POU6F1: variants seen among roughly 807,000 people sequenced by gnomAD.
POU6F1 encodes POU domain, class 6, transcription factor 1.
Under a neutral mutation model 28.9 loss-of-function variants are expected in POU6F1, and 9 were observed. That is an observed-to-expected ratio of 0.31 (90% CI 0.19 to 0.54). The LOEUF is 0.54. Among genes scored for constraint, POU6F1 ranks in the 20% least tolerant of loss-of-function variants. POU6F1 has a pLI of 0.94. For missense variants in POU6F1, 338 were observed against 426.1 expected (o/e 0.79, Z 1.82); for synonymous variants, 173 against 171.1 (o/e 1.01, Z -0.09).
chr12:51,211,062 A>G (rs1017035220), intron 1 of POU6F1, among the ~76,000 whole-genome samples: 1 of 152,188 alleles, frequency 6.6e-6, no homozygotes, highest in South Asian at 2.1e-4. Context: ...GCTTGGTTCC[A>G]GTGACTAGAC....
Position 51,190,072 on chromosome 12 carries a change from T to G in POU6F1, c.*175A>C. The G allele has an allele frequency of 2.7e-4, 319 of 1,200,346 alleles. No homozygotes were observed. The highest frequency in any genetic ancestry group is 3.3e-4 in the Non-Finnish European group (289 of 885,116). The allele number at this position is 1,200,346 out of a possible 1,614,324, so 74.4% of individuals were successfully genotyped here. A position where few individuals can be genotyped will look rare whatever the true frequency, so the allele number is the denominator to read the frequency against. ...GGCCCCCTCTGGCCTCCCCATGATGTGAGATGTGTGGGAGAAAAGAGGGAC... is the reference window on the plus strand; with the variant it reads ...GGCCCCCTCTGGCCTCCCCATGATGGGAGATGTGTGGGAGAAAAGAGGGAC... On this transcript the variant is annotated 3_prime_UTR_variant, in exon 11 of 11. Coordinates refer to ENST00000333640, the MANE Select transcript of POU6F1 (RefSeq NM_001330422.2). The surrounding 1 kb of genome is among the most constrained non-coding windows in gnomAD (Gnocchi z 4.5).
At chr12:51,212,077 T>TG (rs1944028232) in intron 1 of POU6F1, among the ~76,000 whole-genome samples, 1 of 148,214 alleles carries the variant, frequency 6.7e-6, no homozygotes, top group African/African-American at 2.6e-5. Flanking sequence ...TTTTTTTGTT[T>TG]TTTTTGTTTT....
intron 8 of POU6F1, among the ~76,000 whole-genome samples, chr12:51,192,792 C>A (rs1942515257): frequency 6.6e-6 from 1 of 152,012 alleles, no homozygotes; most frequent in South Asian, 2.1e-4. Context: ...ATAATTCCAG[C>A]TACTCAGGAG....
rs969367748 is a variant in POU6F1 at position 51,217,999 on chromosome 12, C to A, written c.-405G>T. On this transcript the variant is annotated 5_prime_UTR_variant, in exon 1 of 11. Coordinates refer to ENST00000333640, the MANE Select transcript of POU6F1 (RefSeq NM_001330422.2). This position sits in a 1 kb window ranked among gnomAD's most constrained non-coding sequence, Gnocchi z 5.3. The stretch of plus-strand genomic sequence containing the variant: ...ACGACCCCCCCCTTTTCCCTCCCCC[C>A]CTTTTTTCCCTCCTTCTGCTACTTG... 3.3e-5 allele frequency among the ~76,000 whole-genome samples: 5 copies of A among 151,894 alleles called. No homozygotes were observed. Among genetic ancestry groups the A allele is most frequent in the Admixed American group, 1.3e-4 (2 of 15,270 alleles).
At chr12:51,213,412 C>G (rs1194622734) in intron 1 of POU6F1, among the ~76,000 whole-genome samples, 1 of 152,090 alleles carries the variant, frequency 6.6e-6, no homozygotes, top group Non-Finnish European at 1.5e-5. Context: ...CAGGGTCTTT[C>G]CATGTTGCCT....
chr12:51,218,050 G>A lies in POU6F1; in HGVS notation c.-456C>T, dbSNP rs994939290. 6.6e-6 allele frequency among the ~76,000 whole-genome samples: 1 copy of A among 150,894 alleles called. No individual in the cohort carries two copies. The highest frequency in any genetic ancestry group is 2.4e-5 in the African/African-American group (1 of 41,094). On this transcript the variant is annotated 5_prime_UTR_variant, in exon 1 of 11. Transcript: ENST00000333640. ...GATTTTTTTAGCTGCTGCGTCATGA[G>A]CATAATTTATGCAAAGAGCTTTGCC...
chr12:51,203,220 AG>A (rs1175046447), intron 3 of POU6F1, among the ~76,000 whole-genome samples: 6 of 152,220 alleles, frequency 3.9e-5, no homozygotes, highest in Admixed American at 2.0e-4. Flanking sequence ...AAGGCACCAG[AG>A]GAAATGAGAT....
At chr12:51,192,277 C>A in intron 9 of POU6F1, 53 bp downstream of exon 9, 3 of 1,591,256 alleles carry the variant, frequency 1.9e-6, no homozygotes, top group Non-Finnish European at 2.6e-6. Flanking sequence ...AGATTGGGTG[C>A]CCACATAAAT....
chr12:51,193,343 A>T (rs1942571632), intron 8 of POU6F1, among the ~76,000 whole-genome samples: 1 of 152,172 alleles, frequency 6.6e-6, no homozygotes, highest in Admixed American at 6.5e-5. Context: ...GGGAAGCCAA[A>T]GGGGGCGGAT....
At chr12:51,206,475 C>CAA (rs199769786) in intron 2 of POU6F1, among the ~76,000 whole-genome samples, 3 of 113,684 alleles carry the variant, frequency 2.6e-5, no homozygotes, top group African/African-American at 5.8e-5. Flanking sequence ...TAGTAATTTG[C>CAA]AAAAAAAAAA....
At chr12:51,215,547 C>A (rs1944243040) in intron 1 of POU6F1, among the ~76,000 whole-genome samples, 1 of 127,834 alleles carries the variant, frequency 7.8e-6, no homozygotes, top group Admixed American at 8.5e-5. Flanking sequence ...CAGAGTGAAA[C>A]CCTGTCTCAA....
chr12:51,218,001 T>C lies in POU6F1; in HGVS notation c.-407A>G, dbSNP rs1237173222. 2.0e-5 allele frequency among the ~76,000 whole-genome samples: 3 copies of C among 148,296 alleles called. No individual in the cohort carries two copies. The highest frequency in any genetic ancestry group is 4.5e-5 in the Non-Finnish European group (3 of 66,636). On this transcript the variant is annotated 5_prime_UTR_variant, in exon 1 of 11. Transcript: ENST00000333640. ...GACCCCCCCCTTTTCCCTCCCCCCC[T>C]TTTTTCCCTCCTTCTGCTACTTGGA...
intron 3 of POU6F1, 51 bp downstream of exon 3, chr12:51,204,122 G>A: frequency 5.0e-6 from 2 of 399,052 alleles, no homozygotes; most frequent in Non-Finnish European, 8.8e-6. Context: ...ACCACAGGAG[G>A]GACTTGGCAC....
At position 51,217,362 on chromosome 12, in the gene POU6F1, C is replaced by CGGG. The variant is rs1476633050; in HGVS notation, c.-48+279_-48+280insCCC. On this transcript the variant is annotated intron_variant, in intron 1 of 10. Coordinates refer to ENST00000333640, the MANE Select transcript of POU6F1 (RefSeq NM_001330422.2). This position sits in a 1 kb window ranked among gnomAD's most constrained non-coding sequence, Gnocchi z 5.3. ...CACCGGGTCCACCTGGCGGCCGCCC[C>CGGG]CTCCGCTCCAGGTCCAGAGCGGCCC... 6.6e-6 allele frequency among the ~76,000 whole-genome samples: 1 copy of CGGG among 152,092 alleles called. No homozygotes were observed. The highest frequency in any genetic ancestry group is 6.5e-5 in the Admixed American group (1 of 15,276).
rs1363528723 is a variant in POU6F1, at chr12:51,197,761, G to A, written c.846+9C>T. 3 of 399,494 alleles carry A rather than the reference G, an allele frequency of 7.5e-6. No homozygotes were observed. Among genetic ancestry groups the A allele is most frequent in the Non-Finnish European group, 1.3e-5 (3 of 226,396 alleles). The allele number at this position is 399,494 out of a possible 1,614,324, so 24.7% of individuals were successfully genotyped here. ...CCCTGGTCAGCCCTGGGTGAGGGCA[G>A]CAGCTTACGATTCCTGGGCTAAATG... On this transcript the variant is annotated intron_variant, in intron 6 of 10. Coordinates refer to ENST00000333640, the MANE Select transcript of POU6F1 (RefSeq NM_001330422.2).
intron 6 of POU6F1, among the ~76,000 whole-genome samples, chr12:51,197,186 T>TGGTTTCCAGGGCTAGGGGCTGCAG (rs1942891233): frequency 7.1e-6 from 1 of 140,642 alleles, no homozygotes; most frequent in Non-Finnish European, 1.6e-5. Flanking sequence ...ACCGGCTGGA[T>TGGTTTCCAGGGCTAGGGGCTGCAG]GGTTTCCAGG....
chr12:51,212,803 A>G (rs1165446843), intron 1 of POU6F1, among the ~76,000 whole-genome samples: 7 of 145,130 alleles, frequency 4.8e-5, no homozygotes, highest in African/African-American at 1.8e-4. Flanking sequence ...AAAAAAAAAG[A>G]AAGCTATAGT....
At chr12:51,209,797 A>G (rs990582096) in intron 1 of POU6F1, among the ~76,000 whole-genome samples, 19 of 152,158 alleles carry the variant, frequency 1.2e-4, no homozygotes, top group African/African-American at 4.6e-4. Context: ...AGGGCAAGCA[A>G]TTCCAGGTAC....
rs565307166 is a variant in POU6F1, at chr12:51,190,978, C to G, written c.1491-386G>C. On this transcript the variant is annotated intron_variant, in intron 10 of 10. Transcript: ENST00000333640. The surrounding 1 kb of genome is among the most constrained non-coding windows in gnomAD (Gnocchi z 4.5). The stretch of plus-strand genomic sequence containing the variant: ...GCAGCATCACTAACAAGTCAGGCTG[C>G]TCTTTCTGGCTGAGCTGGATGTGGT... 6.6e-6 allele frequency among the ~76,000 whole-genome samples: 1 copy of G among 152,186 alleles called. No homozygotes were observed. Among genetic ancestry groups the G allele is most frequent in the Non-Finnish European group, 1.5e-5 (1 of 68,036 alleles).
Sources: allele counts gnomAD v4.1 joint callset (sites outside exome capture counted in the v4.1 genomes callset), GRCh38; gene constraint gnomAD v4.1.1; non-coding constraint Gnocchi (gnomAD v3.1); transcripts MANE v1.5; gene names NCBI Gene and HGNC (gene_info 2026-07-23, HGNC 2026-07-21).